The following FREM3 variants were observed in gnomAD, a reference collection of about 807,000 sequenced individuals.
FREM3 encodes FRAS1 related extracellular matrix 3.
Under a neutral mutation model 129.1 loss-of-function variants are expected in FREM3, and 105 were observed. That is an observed-to-expected ratio of 0.81 (90% CI 0.69 to 0.96). The LOEUF is 0.96. Among genes scored for constraint, FREM3 ranks in the 40% least tolerant of loss-of-function variants. The pLI is 0.00. For synonymous variants in FREM3, 1,014 were observed against 1,044.9 expected (o/e 0.97, Z 0.57); for missense variants, 2,593 against 2,666.3 (o/e 0.97, Z 0.61).
At chr4:143,633,865 G>T (rs1457212123) in intron 2 of FREM3, among the ~76,000 whole-genome samples, 4 of 152,140 alleles carry the variant, frequency 2.6e-5, no homozygotes, top group African/African-American at 9.7e-5. Context: ...CTTCAGAGAG[G>T]ATATTGACAG....
chr4:143,633,314 A>T (rs1017437416), intron 2 of FREM3, among the ~76,000 whole-genome samples: 1 of 152,188 alleles, frequency 6.6e-6, no homozygotes, highest in African/African-American at 2.4e-5. Context: ...ATTTAATAGG[A>T]CTTAAATAGC....
At chr4:143,630,012 G>C (rs1177656919) in intron 2 of FREM3, among the ~76,000 whole-genome samples, 2 of 152,146 alleles carry the variant, frequency 1.3e-5, no homozygotes, top group African/African-American at 4.8e-5. Flanking sequence ...TACACCTCCA[G>C]ATTCCAAACA....
Position 143,624,348 on chromosome 4 carries a change from A to T in FREM3, c.5423-10T>A. On this transcript the variant is annotated splice_polypyrimidine_tract_variant and intron_variant, in intron 3 of 7. Transcript: ENST00000329798. ...TCTTTGGTACCAATGCCTGAATAAA[A>T]ATCAGAAAACTATAAATATAAAGCC... 1 of 1,496,410 alleles carries T rather than the reference A, an allele frequency of 6.7e-7. No individual in the cohort carries two copies. Among genetic ancestry groups the T allele is most frequent in the Non-Finnish European group, 9.0e-7 (1 of 1,110,862 alleles). The allele number at this position is 1,496,410 out of a possible 1,614,324, so 92.7% of individuals were successfully genotyped here.
Position 143,693,182 on chromosome 4 carries a change from T to A in FREM3, c.5206A>T (p.Ile1736Leu). 6.6e-7 allele frequency: 1 copy of A among 1,508,286 alleles called. No homozygotes were observed. The highest frequency in any genetic ancestry group is 1.7e-4 in the Middle Eastern group (1 of 5,838). 93.4% of individuals were successfully genotyped at this position (1,508,286 alleles called of 1,614,324 possible). A position where few individuals can be genotyped will look rare whatever the true frequency, so the allele number is the denominator to read the frequency against. ...CTGCCCTCATTCAAGACATAGGATA[T>A]CTTCATCTCATCAATGTCAGCTAAA... ...FTQADIDEMK[I>L]SYVLNEGSNA... Residue 1736 changes from isoleucine (I) to leucine (L), a missense_variant, in exon 2 of 8, where the codon ATA (isoleucine) becomes TTA (leucine). Physicochemically the swap from Ile to Leu is conservative, Grantham distance 5. This residue lies in a region of FREM3 where 2,276 missense variants were observed against 2,267.2 expected (regional missense o/e 1.00). Coordinates refer to ENST00000329798, the MANE Select transcript of FREM3 (RefSeq NM_001168235.2).
At chr4:143,598,523 A>G (rs1484686548) in intron 6 of FREM3, among the ~76,000 whole-genome samples, 1 of 152,162 alleles carries the variant, frequency 6.6e-6, no homozygotes, top group East Asian at 1.9e-4. Context: ...TGCATGCCCC[A>G]GAAAAGTCAA....
intron 7 of FREM3, among the ~76,000 whole-genome samples, chr4:143,580,559 C>T (rs1032230212): frequency 6.6e-6 from 1 of 152,186 alleles, no homozygotes; most frequent in African/African-American, 2.4e-5. Flanking sequence ...GGAGCTCCTG[C>T]TGCCTCACAT....
intron 2 of FREM3, among the ~76,000 whole-genome samples, chr4:143,674,852 T>C (rs1031590783): frequency 3.9e-5 from 6 of 152,180 alleles, no homozygotes; most frequent in Non-Finnish European, 5.9e-5. Context: ...CTGTCCTAAA[T>C]ATATATTCAC....
At position 143,699,779 on chromosome 4, in the gene FREM3, T is replaced by G; in HGVS notation, c.897A>C (p.Gly299=). 6.5e-7 allele frequency: 1 copy of G among 1,534,444 alleles called. No individual in the cohort carries two copies. Among genetic ancestry groups the G allele is most frequent in the Non-Finnish European group, 8.7e-7 (1 of 1,145,680 alleles). The change falls in exon 1 of 8, where the codon GGA becomes GGC. Residue 299 remains glycine, a synonymous_variant. Transcript: ENST00000329798. This position sits in a 1 kb window ranked among gnomAD's most constrained non-coding sequence, Gnocchi z 4.2. ...TGGGCCTGGGCGGTGTGTTCTCGGC[T>G]CCGCCGCGGATCCTCACGAGCAGCT... ...HFQLLVRIRG[G]AENTPPRPSF... is the part of the protein sequence containing the mutation.
chr4:143,662,983 A>C (rs1739767203), intron 2 of FREM3, among the ~76,000 whole-genome samples: 2 of 152,086 alleles, frequency 1.3e-5, no homozygotes, highest in African/African-American at 2.4e-5. Context: ...GTATTTCTGC[A>C]GGTGAGATGG....
Position 143,621,006 on chromosome 4 carries a change from C to G in FREM3, c.5779+31G>C, listed in dbSNP as rs766860100. The G allele has an allele frequency of 5.2e-6, 8 of 1,534,186 alleles. 1 individual carries two copies. Among genetic ancestry groups the G allele is most frequent in the East Asian group, 2.4e-5 (1 of 40,912 alleles). ...ACAGTCTTGTTCTCATCATCTTATT[C>G]CTATGAACAGGACCCCACAGAGCCT... On this transcript the variant is annotated intron_variant, in intron 5 of 7. Coordinates refer to ENST00000329798, the MANE Select transcript of FREM3 (RefSeq NM_001168235.2).
chr4:143,679,717 C>G (rs1740217185), intron 2 of FREM3, among the ~76,000 whole-genome samples: 1 of 152,146 alleles, frequency 6.6e-6, no homozygotes, highest in Non-Finnish European at 1.5e-5. Context: ...TGAGCCTTAT[C>G]TGCTCCATTG....
chr4:143,610,815 G>A (rs775094429), intron 6 of FREM3, among the ~76,000 whole-genome samples: 6 of 152,166 alleles, frequency 3.9e-5, no homozygotes, highest in Middle Eastern at 3.2e-3. Context: ...AGGGACTGGA[G>A]GCAAACGCCC....
In FREM3 at chr4:143,695,833, T is replaced by A; in HGVS notation, c.4843A>T (p.Thr1615Ser). 6.5e-7 allele frequency: 1 copy of A among 1,537,364 alleles called. No homozygotes were observed. Among genetic ancestry groups the A allele is most frequent in the Non-Finnish European group, 8.7e-7 (1 of 1,146,942 alleles). ...LISYKHDGSE[T>S]TEDSFSLTVT... ...GTCAAGGAGAAACTATCTTCAGTGG[T>A]CTCACTGCCGTCATGCTTGTAGCTA... Residue 1615 changes from threonine (T) to serine (S), a missense_variant, in exon 1 of 8, where the codon ACC becomes TCC. This residue lies in a region of FREM3 where 2,276 missense variants were observed against 2,267.2 expected (regional missense o/e 1.00). Transcript: ENST00000329798.
At position 143,699,219 on chromosome 4, in the gene FREM3, G is replaced by T; in HGVS notation, c.1457C>A (p.Ala486Glu). The T allele has an allele frequency of 6.5e-7, 1 of 1,537,258 alleles. No homozygotes were observed. Among genetic ancestry groups the T allele is most frequent in the Non-Finnish European group, 8.7e-7 (1 of 1,146,920 alleles). Residue 486 changes from alanine to glutamate, a missense_variant, in exon 1 of 8, where the codon GCA becomes GAA. Physicochemically the swap from Ala to Glu is moderately radical, Grantham distance 107. Around this residue, in one of 2 missense-constraint regions of FREM3, gnomAD observed 2,276 missense variants for 2,267.2 expected, o/e 1.00. Transcript: ENST00000329798. The surrounding 1 kb of genome is among the most constrained non-coding windows in gnomAD (Gnocchi z 4.2). ...LRHGQLVVFGAPAGCKYFTPA... is the reference protein window; with the variant it reads ...LRHGQLVVFGEPAGCKYFTPA... ...TGTGAAATACTTGCACCCAGCAGGT[G>T]CCCCAAACACCACCAGCTGCCCATG...
chr4:143,684,044 C>G (rs1740308394), intron 2 of FREM3, among the ~76,000 whole-genome samples: 1 of 152,122 alleles, frequency 6.6e-6, no homozygotes, highest in Non-Finnish European at 1.5e-5. Context: ...CCTAGCCCCT[C>G]CCTCACATGA....
chr4:143,700,310 G>A lies in FREM3; in HGVS notation c.366C>T (p.Arg122=). 4 of 1,535,410 alleles carry A rather than the reference G, an allele frequency of 2.6e-6. No individual in the cohort carries two copies. Among genetic ancestry groups the A allele is most frequent in the Non-Finnish European group, 3.5e-6 (4 of 1,146,120 alleles). ...PRRFPCTFGP[R]QVQYTHFGSH... The stretch of plus-strand genomic sequence containing the variant: ...AGCCGAAGTGAGTGTACTGGACTTG[G>A]CGGGGCCCGAAGGTGCAGGGGAAGC... The change falls in exon 1 of 8, where the codon CGC becomes CGT. Residue 122 remains arginine (R), a synonymous_variant. Coordinates refer to ENST00000329798, the MANE Select transcript of FREM3 (RefSeq NM_001168235.2).
chr4:143,699,929 C>A lies in FREM3; in HGVS notation c.747G>T (p.Gly249=). 1 of 1,534,520 alleles carries A rather than the reference C, an allele frequency of 6.5e-7. No individual in the cohort carries two copies. The highest frequency in any genetic ancestry group is 8.7e-7 in the Non-Finnish European group (1 of 1,145,638). Residue 249 remains glycine (G), a synonymous_variant, in exon 1 of 8, where the codon GGG becomes GGT. Coordinates refer to ENST00000329798, the MANE Select transcript of FREM3 (RefSeq NM_001168235.2). This position sits in a 1 kb window ranked among gnomAD's most constrained non-coding sequence, Gnocchi z 4.2. The part of the protein sequence containing the change: ...GVDCEAFLRA[G]VRYQHTATSS... The stretch of plus-strand genomic sequence containing the variant: ...AGGTGGCTGTGTGCTGATAGCGCAC[C>A]CCAGCACGGAGGAAAGCCTCACAGT...
intron 2 of FREM3, among the ~76,000 whole-genome samples, chr4:143,628,421 A>G (rs945942189): frequency 6.6e-6 from 1 of 152,156 alleles, no homozygotes. Flanking sequence ...ATGTTTGTGT[A>G]TTGGTAGCAA....
At chr4:143,609,468 AT>A (rs1389939383) in intron 6 of FREM3, among the ~76,000 whole-genome samples, 1 of 148,946 alleles carries the variant, frequency 6.7e-6, no homozygotes, top group African/African-American at 2.4e-5. Context: ...GAAGTGGACT[AT>A]GTAGAAAATG....
Sources: allele counts gnomAD v4.1 joint callset (sites outside exome capture counted in the v4.1 genomes callset), GRCh38; gene constraint gnomAD v4.1.1; regional missense constraint gnomAD v4.1.1; non-coding constraint Gnocchi (gnomAD v3.1); transcripts MANE v1.5; gene names NCBI Gene and HGNC (gene_info 2026-07-23, HGNC 2026-07-21).